Variants in CDH22 observed in about 807,000 individuals in gnomAD.
The protein encoded by CDH22 is cadherin-22.
In CDH22, 30 loss-of-function variants were observed where a neutral mutation model predicts 58.4. The observed-to-expected ratio is 0.51, with a 90% CI of 0.38 to 0.70. The LOEUF is 0.70. Among genes scored for constraint, CDH22 ranks in the 30% least tolerant of loss-of-function variants. The pLI, the probability that CDH22 is intolerant of heterozygous loss-of-function variation, is 0.00. For synonymous variants in CDH22, 513 were observed against 558.2 expected, an observed-to-expected ratio of 0.92 and a Z score of 1.14; for missense variants, 1,014 against 1,233.9, an observed-to-expected ratio of 0.82 and a Z score of 2.67.
intron 1 of CDH22, among the ~76,000 whole-genome samples, chr20:46,268,321 T>C (rs908347943): frequency 6.6e-6 from 1 of 152,252 alleles, no homozygotes; most frequent in Non-Finnish European, 1.5e-5. Context: ...GCAGGATCAG[T>C]GCCCCAGATC....
intron 4 of CDH22, among the ~76,000 whole-genome samples, chr20:46,226,239 T>TTCC (rs1321491607): frequency 1.3e-4 from 1 of 7,984 alleles, no homozygotes; most frequent in South Asian, 3.0e-3. Context: ...CACCTTCTTC[T>TTCC]TCTTCTTCTT....
chr20:46,290,979 T>A (rs939681352), intron 1 of CDH22, among the ~76,000 whole-genome samples: 1 of 152,130 alleles, frequency 6.6e-6, no homozygotes, highest in Non-Finnish European at 1.5e-5. Flanking sequence ...CAAGACAGAA[T>A]TCAAATAATA....
At position 46,300,196 on chromosome 20, in the gene CDH22, C is replaced by T. The variant is rs940115838; in HGVS notation, c.-400+8059G>A. ...ACACAGCCACTTGGATCCTAGAAGACGCAGGCCTTGGCAACCTCCTGGCCT... is the reference window on the plus strand; with the variant it reads ...ACACAGCCACTTGGATCCTAGAAGATGCAGGCCTTGGCAACCTCCTGGCCT... On this transcript the variant is annotated intron_variant, in intron 1 of 11. Coordinates refer to ENST00000537909, the MANE Select transcript of CDH22 (RefSeq NM_021248.3). The surrounding 1 kb of genome is among the most constrained non-coding windows in gnomAD (Gnocchi z 4.4). Among the ~76,000 whole-genome samples, 33 of 152,114 alleles carry T rather than the reference C, an allele frequency of 2.2e-4. No individual in the cohort carries two copies. Among genetic ancestry groups the T allele is most frequent in the African/African-American group, 6.5e-4 (27 of 41,406 alleles).
intron 1 of CDH22, among the ~76,000 whole-genome samples, chr20:46,277,017 A>T (rs988352197): frequency 6.6e-6 from 1 of 152,218 alleles, no homozygotes; most frequent in Non-Finnish European, 1.5e-5. Context: ...GGCCGGGTGC[A>T]GTGGCCTATG....
intron 8 of CDH22, among the ~76,000 whole-genome samples, chr20:46,197,336 G>A (rs921470675): frequency 2.7e-5 from 4 of 148,706 alleles, no homozygotes; most frequent in Non-Finnish European, 6.0e-5. Context: ...AGCAAAAATT[G>A]TAAAATGTTT....
intron 1 of CDH22, among the ~76,000 whole-genome samples, chr20:46,307,222 C>T (rs995712144): frequency 2.0e-5 from 3 of 152,198 alleles, no homozygotes; most frequent in Non-Finnish European, 4.4e-5. Context: ...CTTCTCTGCC[C>T]GCCACAAGGG....
At chr20:46,271,312 A>G (rs1040745858) in intron 1 of CDH22, among the ~76,000 whole-genome samples, 2 of 152,086 alleles carry the variant, frequency 1.3e-5, no homozygotes, top group Non-Finnish European at 2.9e-5. Context: ...GAGCCTATGC[A>G]CACCTTCCTG....
chr20:46,230,964 C>T (rs2086216778), intron 3 of CDH22, among the ~76,000 whole-genome samples: 1 of 152,098 alleles, frequency 6.6e-6, no homozygotes, highest in African/African-American at 2.4e-5. Context: ...GGAGGAGGGG[C>T]TGCTTGGAGT....
intron 8 of CDH22, among the ~76,000 whole-genome samples, chr20:46,196,046 G>C (rs1225505183): frequency 6.6e-6 from 1 of 152,192 alleles, no homozygotes; most frequent in Non-Finnish European, 1.5e-5. Context: ...TTTGGCAGGA[G>C]GGCATGGGGC....
rs1023319066 is a variant in CDH22 at position 46,220,825 on chromosome 20, G to C, written c.671-3832C>G. ...AGGTGCCATCTCTGGGTGTGTGTGAGTTGGGCCCCCTGGGCCTTGTTCTCG... is the reference window on the plus strand; with the variant it reads ...AGGTGCCATCTCTGGGTGTGTGTGACTTGGGCCCCCTGGGCCTTGTTCTCG... On this transcript the variant is annotated intron_variant, in intron 4 of 11. Transcript: ENST00000537909. The C allele has an allele frequency of 2.0e-5, 3 of 152,502 alleles. No individual in the cohort carries two copies. The East Asian group carries it at 5.8e-4, about 29-fold the overall frequency. The allele number at this position is 152,502 out of a possible 1,614,324, so 9.4% of individuals were successfully genotyped here.
chr20:46,256,222 C>T (rs2086406014), intron 1 of CDH22, among the ~76,000 whole-genome samples: 1 of 152,146 alleles, frequency 6.6e-6, no homozygotes, highest in Non-Finnish European at 1.5e-5. Flanking sequence ...GGTGGGGGCA[C>T]AGACAATAAA....
Position 46,174,821 on chromosome 20 carries a change from G to A in CDH22, c.2172C>T (p.Ala724=). ...SGGGAGSPPQ[A]HLPSERHSLP... Reference sequence around the variant, plus strand: ...GCGAGTGGCGCTCGGAGGGCAGGTGGGCCTGCGGGGGGCTGCCCGCGCCCC... The same window carrying A: ...GCGAGTGGCGCTCGGAGGGCAGGTGAGCCTGCGGGGGGCTGCCCGCGCCCC... Residue 724 remains alanine, a synonymous_variant, in exon 12 of 12, where the codon GCC becomes GCT. Coordinates refer to ENST00000537909, the MANE Select transcript of CDH22 (RefSeq NM_021248.3). This position sits in a 1 kb window ranked among gnomAD's most constrained non-coding sequence, Gnocchi z 4.4. The A allele has an allele frequency of 6.9e-7, 1 of 1,450,962 alleles. No homozygotes were observed. The highest frequency in any genetic ancestry group is 9.1e-7 in the Non-Finnish European group (1 of 1,104,190). 89.9% of individuals were successfully genotyped at this position (1,450,962 alleles called of 1,614,324 possible).
chr20:46,263,040 C>G (rs1417116365), intron 1 of CDH22, among the ~76,000 whole-genome samples: 3 of 152,258 alleles, frequency 2.0e-5, no homozygotes, highest in Non-Finnish European at 4.4e-5. Flanking sequence ...TCACACTTAT[C>G]TGAGCCTGTG....
intron 1 of CDH22, among the ~76,000 whole-genome samples, chr20:46,307,380 G>T (rs907750317): frequency 1.3e-5 from 2 of 152,238 alleles, no homozygotes; most frequent in Non-Finnish European, 2.9e-5. Flanking sequence ...ACCCAGGGCT[G>T]CCCGGCACCC....
At chr20:46,257,503 C>T (rs2086412373) in intron 1 of CDH22, among the ~76,000 whole-genome samples, 1 of 152,122 alleles carries the variant, frequency 6.6e-6, no homozygotes, top group South Asian at 2.1e-4. Flanking sequence ...GGGAAGACAG[C>T]AACTGAGTGT....
intron 1 of CDH22, among the ~76,000 whole-genome samples, chr20:46,277,110 G>A (rs6017761): frequency 0.022 from 3,295 of 150,896 alleles, 82 homozygotes; most frequent in African/African-American, 0.057. Flanking sequence ...GCGACATAGC[G>A]AGACCCTGTC....
intron 1 of CDH22, among the ~76,000 whole-genome samples, chr20:46,265,506 C>T (rs1312872648): frequency 6.6e-6 from 1 of 152,206 alleles, no homozygotes; most frequent in East Asian, 1.9e-4. Flanking sequence ...CATTCTTGAA[C>T]ATAACCCATT....
chr20:46,174,578 C>G lies in CDH22; in HGVS notation c.2415G>C (p.Trp805Cys). ...SEQDFAYLSS[W>C]GPRFRPLAAL... ...CGGCCAGGGGCCGGAAGCGCGGACC[C>G]CAGCTGCTGAGATAGGCGAAGTCCT... Residue 805 changes from tryptophan (W) to cysteine (C), a missense_variant, in exon 12 of 12, where the codon TGG becomes TGC. Around this residue, in one of 2 missense-constraint regions of CDH22, gnomAD observed 208 missense variants for 195.2 expected, o/e 1.07. Coordinates refer to ENST00000537909, the MANE Select transcript of CDH22 (RefSeq NM_021248.3). The surrounding 1 kb of genome is among the most constrained non-coding windows in gnomAD (Gnocchi z 4.4). 6.5e-7 allele frequency: 1 copy of G among 1,531,046 alleles called. No individual in the cohort carries two copies. Among genetic ancestry groups the G allele is most frequent in the Non-Finnish European group, 8.7e-7 (1 of 1,144,014 alleles). 94.8% of individuals were successfully genotyped at this position (1,531,046 alleles called of 1,614,324 possible). A position where few individuals can be genotyped will look rare whatever the true frequency, so the allele number is the denominator to read the frequency against.
rs760429162 is a variant in CDH22, at chr20:46,175,018, C to T, written c.1975G>A (p.Glu659Lys). Residue 659 changes from glutamate to lysine, a missense_variant, in exon 12 of 12, where the codon GAG becomes AAG. Physicochemically the swap from Glu to Lys is moderately conservative, Grantham distance 56. Around this residue, in one of 2 missense-constraint regions of CDH22, gnomAD observed 806 missense variants for 1,038.7 expected, o/e 0.78. Transcript: ENST00000537909. ...RHHKSHLSSDEDEDMRDNVIK... is the reference protein window; with the variant it reads ...RHHKSHLSSDKDEDMRDNVIK... The stretch of plus-strand genomic sequence containing the variant: ...ACGTTGTCCCGCATGTCTTCATCCT[C>T]GTCCGAGCTCAGGTGGCTCTTGTGG... The T allele has an allele frequency of 2.5e-6, 4 of 1,609,856 alleles. No individual in the cohort carries two copies. The highest frequency in any genetic ancestry group is 1.7e-5 in the Admixed American group (1 of 59,852).
Sources: gnomAD v4.1 joint callset for allele counts (sites outside exome capture counted in the v4.1 genomes callset) on GRCh38, gnomAD v4.1.1 for gene constraint, gnomAD v4.1.1 regional missense constraint, Gnocchi (gnomAD v3.1) non-coding constraint, MANE v1.5 for transcripts, NCBI Gene and HGNC (gene_info 2026-07-23, HGNC 2026-07-21) for gene names.